The following GRK5 variants were observed in gnomAD, a reference collection of about 807,000 sequenced individuals.
GRK5 encodes G protein-coupled receptor kinase 5, also known as g protein-coupled receptor kinase GRK5.
In GRK5, 40 loss-of-function variants were observed where a neutral mutation model predicts 78.4. The observed-to-expected ratio is 0.51, with a 90% CI of 0.40 to 0.66. The LOEUF (loss-of-function observed/expected upper bound fraction) is 0.66. Among genes scored for constraint, GRK5 ranks in the 30% least tolerant of loss-of-function variants. The probability of loss-of-function intolerance (pLI) is 0.00; values close to 1 mark genes in which losing one functional copy is unlikely to be tolerated. For synonymous variants in GRK5, 289 were observed against 296.8 expected, an observed-to-expected ratio of 0.97 and a Z score of 0.27; for missense variants, 598 against 759.9, an observed-to-expected ratio of 0.79 and a Z score of 2.50.
At chr10:119,261,760 G>A (rs1397969063) in intron 1 of GRK5, among the ~76,000 whole-genome samples, 16 of 152,258 alleles carry the variant, frequency 1.1e-4, no homozygotes, top group Admixed American at 9.2e-4. Context: ...CCAGTCAGGC[G>A]TGGCGGCGCG....
intron 1 of GRK5, among the ~76,000 whole-genome samples, chr10:119,282,595 T>C (rs79124070): frequency 0.026 from 3,897 of 152,314 alleles, 75 homozygotes; most frequent in Admixed American, 0.055. Flanking sequence ...GCAGATGGAC[T>C]ATCGAGCAGA....
intron 4 of GRK5, among the ~76,000 whole-genome samples, chr10:119,420,107 T>C (rs994860535): frequency 6.6e-6 from 1 of 152,120 alleles, no homozygotes; most frequent in Non-Finnish European, 1.5e-5. Flanking sequence ...CCTGAGAAAA[T>C]TGCTTAACCT....
intron 2 of GRK5, among the ~76,000 whole-genome samples, chr10:119,350,800 A>G (rs1340921268): frequency 6.6e-6 from 1 of 152,212 alleles, no homozygotes; most frequent in Admixed American, 6.5e-5. Flanking sequence ...TTGACAGTCT[A>G]CTTCCAGTGT....
chr10:119,319,161 C>CA (rs1302847670), intron 1 of GRK5, among the ~76,000 whole-genome samples: 2 of 152,322 alleles, frequency 1.3e-5, no homozygotes, highest in East Asian at 3.9e-4. Flanking sequence ...CATACTTCCC[C>CA]AGTCTGGCAG....
At chr10:119,413,886 TCCCACCCCTGCCCCCG>T (rs1189953819) in intron 4 of GRK5, among the ~76,000 whole-genome samples, 1 of 152,054 alleles carries the variant, frequency 6.6e-6, no homozygotes, top group Non-Finnish European at 1.5e-5. Flanking sequence ...AAGACCCGAC[TCCCACCCCTGCCCCCG>T]CCCAGGCCAG....
At position 119,381,732 on chromosome 10, in the gene GRK5, T is replaced by C. The variant is rs1045587971; in HGVS notation, c.261+805T>C. The stretch of plus-strand genomic sequence containing the variant: ...AGGAGTGGAGAGCGGTCATGAAGGG[T>C]GTGAAGTCATCCAGGCCCCTCCCCT... On this transcript the variant is annotated intron_variant, in intron 3 of 15. Coordinates refer to ENST00000392870, the MANE Select transcript of GRK5 (RefSeq NM_005308.3). Among the ~76,000 whole-genome samples the C allele has an allele frequency of 3.3e-5, 5 of 151,834 alleles. No individual in the cohort carries two copies. The South Asian group carries it at 1.0e-3, about 32-fold the overall frequency.
chr10:119,400,223 C>T (rs765118633), intron 4 of GRK5, among the ~76,000 whole-genome samples: 17 of 152,170 alleles, frequency 1.1e-4, no homozygotes, highest in Non-Finnish European at 2.2e-4. Flanking sequence ...AAATGCCCCA[C>T]GATGGGAGCA....
rs1008430929 is a variant in GRK5 at position 119,217,508 on chromosome 10, C to T, written c.52+9539C>T. The stretch of plus-strand genomic sequence containing the variant: ...CCTGTACTCTCTCGCTGCCTGGGCC[C>T]CTCCTACCAACACATCGGACAAGCG... On this transcript the variant is annotated intron_variant, in intron 1 of 15. Transcript: ENST00000392870. This position sits in a 1 kb window ranked among gnomAD's most constrained non-coding sequence, Gnocchi z 4.1. Among the ~76,000 whole-genome samples, 3 of 152,194 alleles carry T rather than the reference C, an allele frequency of 2.0e-5. No homozygotes were observed. Among genetic ancestry groups the T allele is most frequent in the African/African-American group, 7.2e-5 (3 of 41,444 alleles).
intron 2 of GRK5, among the ~76,000 whole-genome samples, chr10:119,365,119 C>T (rs1482136986): frequency 6.6e-6 from 1 of 152,080 alleles, no homozygotes; most frequent in Admixed American, 6.5e-5. Flanking sequence ...AAGGTCTAGA[C>T]AGTTATGAAA....
chr10:119,278,575 C>T (rs1433124579), intron 1 of GRK5, among the ~76,000 whole-genome samples: 2 of 152,136 alleles, frequency 1.3e-5, no homozygotes, highest in Non-Finnish European at 2.9e-5. Flanking sequence ...AGCCTGGGAT[C>T]GGATGTCCAG....
At chr10:119,220,789 C>T (rs1482919361) in intron 1 of GRK5, among the ~76,000 whole-genome samples, 3 of 150,138 alleles carry the variant, frequency 2.0e-5, no homozygotes, top group Admixed American at 6.7e-5. Flanking sequence ...GAGCTGAGAT[C>T]GCGCCACTGC....
intron 8 of GRK5, among the ~76,000 whole-genome samples, chr10:119,435,133 C>T (rs116467080): frequency 0.016 from 2,395 of 152,292 alleles, 66 homozygotes; most frequent in African/African-American, 0.052. Flanking sequence ...GGACTCAGCC[C>T]GTGAAACCAC....
At chr10:119,236,506 G>C (rs1411228631) in intron 1 of GRK5, among the ~76,000 whole-genome samples, 1 of 151,952 alleles carries the variant, frequency 6.6e-6, no homozygotes, top group African/African-American at 2.4e-5. Flanking sequence ...GAGCCACTGC[G>C]CCTGGCCCCT....
chr10:119,394,275 C>CACGTGT (rs1554916264), intron 3 of GRK5, among the ~76,000 whole-genome samples: 1 of 19,138 alleles, frequency 5.2e-5, no homozygotes, highest in Non-Finnish European at 9.9e-5. Context: ...TGTGTGTGGG[C>CACGTGT]GTGTGTGTGG....
intron 3 of GRK5, among the ~76,000 whole-genome samples, chr10:119,385,447 A>G (rs1851779287): frequency 6.6e-6 from 1 of 152,002 alleles, no homozygotes; most frequent in African/African-American, 2.4e-5. Context: ...AGGTTTTTCA[A>G]GAATCCCTCT....
At chr10:119,423,302 G>A (rs527270313) in intron 5 of GRK5, 36 bp downstream of exon 5, 5 of 1,470,930 alleles carry the variant, frequency 3.4e-6, no homozygotes, top group East Asian at 4.5e-5. Context: ...TCCTCCCCGG[G>A]CTGCCCAGAG....
intron 2 of GRK5, among the ~76,000 whole-genome samples, chr10:119,339,051 T>A (rs986666921): frequency 6.6e-6 from 1 of 152,208 alleles, no homozygotes; most frequent in African/African-American, 2.4e-5. Context: ...CTCTGGAATG[T>A]TCTTTTCATT....
chr10:119,248,160 TA>T (rs1464663806), intron 1 of GRK5, among the ~76,000 whole-genome samples: 1 of 152,126 alleles, frequency 6.6e-6, no homozygotes, highest in African/African-American at 2.4e-5. Context: ...TATAGGCATG[TA>T]CCACCACACC....
At chr10:119,372,257 G>T (rs889059876) in intron 2 of GRK5, among the ~76,000 whole-genome samples, 1 of 152,182 alleles carries the variant, frequency 6.6e-6, no homozygotes, top group Non-Finnish European at 1.5e-5. Flanking sequence ...TTGCCTTTAG[G>T]ATCCAGGCAG....
Sources: gnomAD v4.1 joint callset for allele counts (sites outside exome capture counted in the v4.1 genomes callset) on GRCh38, gnomAD v4.1.1 for gene constraint, Gnocchi (gnomAD v3.1) non-coding constraint, MANE v1.5 for transcripts, NCBI Gene and HGNC (gene_info 2026-07-23, HGNC 2026-07-21) for gene names.